NBPF9: variants seen among roughly 807,000 people sequenced by gnomAD.
The protein encoded by NBPF9 is NBPF family member NBPF9.
Under a neutral mutation model 97.8 loss-of-function variants are expected in NBPF9, and 91 were observed. The ratio of observed to expected loss-of-function variants is 0.93; its 90% confidence interval spans 0.79 to 1.11. The LOEUF (loss-of-function observed/expected upper bound fraction) is 1.11. NBPF9 is among the 50% of genes least tolerant of loss of function. The pLI, the probability that NBPF9 is intolerant of heterozygous loss-of-function variation, is 0.00. For synonymous variants in NBPF9, 334 were observed against 359.5 expected, an observed-to-expected ratio of 0.93 and a Z score of 0.80; for missense variants, 992 against 939.5, an observed-to-expected ratio of 1.06 and a Z score of -0.73.
At position 149,071,603 on chromosome 1, in the gene NBPF9, C is replaced by A; in HGVS notation, c.1379+1G>T. Reference sequence around the variant, plus strand: ...AATTGTTCCTGAGTATTCAGTGTTACCTGGGGGCAGACGATTTCTGCACTT... The same window carrying A: ...AATTGTTCCTGAGTATTCAGTGTTAACTGGGGGCAGACGATTTCTGCACTT... On this transcript the variant is annotated splice_donor_variant, in intron 15 of 29. Coordinates refer to ENST00000584027, the Ensembl canonical transcript of NBPF9. LOFTEE classifies it high-confidence loss of function. 1 of 1,291,632 alleles carries A rather than the reference C, an allele frequency of 7.7e-7. No individual in the cohort carries two copies. Among genetic ancestry groups the A allele is most frequent in the South Asian group, 1.2e-5 (1 of 80,768 alleles). 80.0% of individuals were successfully genotyped at this position (1,291,632 alleles called of 1,614,324 possible).
intron 12 of NBPF9, among the ~76,000 whole-genome samples, chr1:149,075,249 G>C (rs1411282228): frequency 2.4e-4 from 37 of 152,178 alleles, no homozygotes; most frequent in African/African-American, 6.5e-4. Context: ...AGCTTTGCCT[G>C]TTGGGCCTCA....
At position 149,055,521 on chromosome 1, in the gene NBPF9, G is replaced by A. The variant is rs1399642500; in HGVS notation, c.*135C>T. ...ACAGGTTGCCACTGGCATGGTTTGA[G>A]AATAGGAATAGAGCCATGCCCACTG... On this transcript the variant is annotated 3_prime_UTR_variant, in exon 30 of 30. Transcript: ENST00000584027. The A allele has an allele frequency of 4.5e-6, 7 of 1,545,258 alleles. No individual in the cohort carries two copies. In the African/African-American group the frequency reaches 9.6e-5, roughly 21 times the overall value.
exon 30 of NBPF9, chr1:149,055,361 A>C (rs1224804238): frequency 2.2e-5 from 13 of 595,646 alleles, no homozygotes; most frequent in East Asian, 3.5e-5. Flanking sequence ...GCAAAATGAA[A>C]TCCCTGAGGA....
chr1:149,064,162 A>C (rs1261256868), intron 19 of NBPF9, among the ~76,000 whole-genome samples: 1 of 122,872 alleles, frequency 8.1e-6, no homozygotes, highest in Non-Finnish European at 1.7e-5. Context: ...ATAATTTTGC[A>C]TAAAATGTGC....
chr1:149,070,327 A>G (rs2079301376), intron 16 of NBPF9, among the ~76,000 whole-genome samples: 1 of 143,358 alleles, frequency 7.0e-6, no homozygotes, highest in Non-Finnish European at 1.5e-5. Flanking sequence ...TCGCAAAAAA[A>G]AAAAAAAAAA....
chr1:149,095,431 A>C (rs1479247779), intron 4 of NBPF9, among the ~76,000 whole-genome samples: 3 of 144,784 alleles, frequency 2.1e-5, no homozygotes, highest in African/African-American at 7.8e-5. Flanking sequence ...CAAAACCAAA[A>C]GCACAATCTA....
At chr1:149,082,957 C>CTTTTTT (rs1157992196) in intron 5 of NBPF9, among the ~76,000 whole-genome samples, 671 of 66,422 alleles carry the variant, frequency 0.01, 9 homozygotes, top group East Asian at 0.012. Context: ...TTTTTCTTTT[C>CTTTTTT]TTTTTTTTTT....
rs782355368 is a variant in NBPF9 at position 149,055,762 on chromosome 1, T to C, written c.3230A>G (p.Glu1077Gly). Residue 1077 changes from glutamate to glycine, a missense_variant, in exon 30 of 30, where the codon GAG (glutamate) becomes GGG (glycine). Glu to Gly is a moderately conservative substitution (Grantham distance 98). Coordinates refer to ENST00000584027, the Ensembl canonical transcript of NBPF9. Reference sequence around the variant, plus strand: ...AAGGGCGAAGCTGATGTGCTGTTCCTCAAATGAGTAAAACACACTTCTGTA... The same window carrying C: ...AAGGGCGAAGCTGATGTGCTGTTCCCCAAATGAGTAAAACACACTTCTGTA... The C allele has an allele frequency of 2.5e-6, 4 of 1,611,588 alleles. No homozygotes were observed. The South Asian group carries it at 4.4e-5, about 18-fold the overall frequency.
chr1:149,055,514 G>T (rs1358008915), exon 30 of NBPF9: 2 of 1,539,366 alleles, frequency 1.3e-6, no homozygotes, highest in South Asian at 1.3e-5. Context: ...CCACTGGCAT[G>T]GTTTGAGAAT....
intron 5 of NBPF9, among the ~76,000 whole-genome samples, chr1:149,082,874 G>C (rs1553657298): frequency 6.8e-6 from 1 of 147,598 alleles, no homozygotes; most frequent in African/African-American, 2.5e-5. Context: ...CTGCCTCCCA[G>C]GTTCACGCTA....
At position 149,059,850 on chromosome 1, in the gene NBPF9, C is replaced by T; in HGVS notation, c.2477-42G>A. 7.6e-6 allele frequency: 4 copies of T among 527,884 alleles called. 1 individual carries two copies. Among genetic ancestry groups the T allele is most frequent in the East Asian group, 5.2e-5 (2 of 38,140 alleles). 32.7% of individuals were successfully genotyped at this position (527,884 alleles called of 1,614,324 possible). On this transcript the variant is annotated intron_variant, in intron 24 of 29. Transcript: ENST00000584027. ...CATGGACAGACACATTAAGCTGATT[C>T]CCCTACACATATAACAATCCACTGT...
At chr1:149,074,539 T>A (rs189061394) in intron 12 of NBPF9, among the ~76,000 whole-genome samples, 1 of 151,502 alleles carries the variant, frequency 6.6e-6, no homozygotes, top group Admixed American at 6.6e-5. Flanking sequence ...AAACAGCTCA[T>A]GTAATTCACT....
At chr1:149,070,108 G>T in intron 16 of NBPF9, among the ~76,000 whole-genome samples, 1 of 138,368 alleles carries the variant, frequency 7.2e-6, no homozygotes, top group South Asian at 2.4e-4. Flanking sequence ...ATCATTTGAG[G>T]TCATGAGTTC....
chr1:149,064,855 A>T (rs2078928545), intron 18 of NBPF9: 1 of 536,938 alleles, frequency 1.9e-6, no homozygotes, highest in Non-Finnish European at 3.3e-6. Flanking sequence ...ATAGTTTATG[A>T]GATTGTGGAC....
exon 22 of NBPF9, chr1:149,062,137 T>G (rs1444543088): frequency 1.5e-5 from 16 of 1,051,696 alleles, no homozygotes; most frequent in Non-Finnish European, 2.2e-5. Context: ...CTCCAATGAG[T>G]AAACAGCACT....
chr1:149,070,794 G>A (rs368000139), intron 16 of NBPF9, 140 bp downstream of exon 16: 7 of 1,481,226 alleles, frequency 4.7e-6, no homozygotes, highest in East Asian at 4.6e-5. Context: ...AGCTGAGAAG[G>A]ACAAAAAACT....
At chr1:149,053,645 C>T (rs1268096402), downstream of NBPF9, among the ~76,000 whole-genome samples, 3,369 of 133,202 alleles carry the variant, frequency 0.025, no homozygotes, top group African/African-American at 0.11. Context: ...AGAATGTCAC[C>T]GGTATATGTT....
At chr1:149,102,766 G>T (rs1232147347) in exon 2 of NBPF9, 2 of 152,052 alleles carry the variant, frequency 1.3e-5, no homozygotes, top group African/African-American at 4.8e-5. Flanking sequence ...TGCCCCGCTA[G>T]TCATGAGGTG....
rs587619301 is a variant in NBPF9 at position 149,076,702 on chromosome 1, G to A, written c.778+506C>T. Among the ~76,000 whole-genome samples the A allele has an allele frequency of 2.1e-3, 304 of 148,186 alleles. 8 individuals are homozygous for A. Among genetic ancestry groups the A allele is most frequent in the African/African-American group, 7.1e-3 (290 of 40,570 alleles). On this transcript the variant is annotated intron_variant, in intron 11 of 29. Transcript: ENST00000584027. ...TTTTTGCATTTTTAGTAAAGACGGGGTTTCACCGTGTTAGCCAGGATGGTC... is the reference window on the plus strand; with the variant it reads ...TTTTTGCATTTTTAGTAAAGACGGGATTTCACCGTGTTAGCCAGGATGGTC...
Sources: allele counts gnomAD v4.1 joint callset (sites outside exome capture counted in the v4.1 genomes callset), GRCh38; gene constraint gnomAD v4.1.1; transcripts MANE v1.5; gene names NCBI Gene and HGNC (gene_info 2026-07-23, HGNC 2026-07-21).